The following CCDC7 variants were observed in gnomAD, a reference collection of about 807,000 sequenced individuals.
CCDC7 encodes the protein coiled-coil domain-containing protein 7.
A neutral mutation model predicts 196.9 loss-of-function variants in CCDC7; 183 were observed. That is an observed-to-expected ratio of 0.93 (90% CI 0.82 to 1.05). The LOEUF is 1.05. Ranked by LOEUF, CCDC7 falls within the 50% of genes least tolerant of loss-of-function variation. CCDC7 has a pLI of 0.00. For missense variants in CCDC7, 1,540 were observed against 1,482.2 expected, an observed-to-expected ratio of 1.04 and a Z score of -0.64; for synonymous variants, 525 against 484.6, an observed-to-expected ratio of 1.08 and a Z score of -1.10.
At chr10:32,508,210 G>A (rs931114487) in intron 9 of CCDC7, among the ~76,000 whole-genome samples, 1 of 152,164 alleles carries the variant, frequency 6.6e-6, no homozygotes, top group Non-Finnish European at 1.5e-5. Context: ...ATTCAGTAAA[G>A]TTGCAGGTTA....
intron 24 of CCDC7, among the ~76,000 whole-genome samples, chr10:32,704,037 G>C (rs1050986325): frequency 5.9e-5 from 9 of 152,124 alleles, no homozygotes; most frequent in Non-Finnish European, 2.9e-5. Context: ...TCTCCACCCA[G>C]CTTTGTTCCA....
At chr10:32,470,610 T>C (rs1486746336) in intron 5 of CCDC7, among the ~76,000 whole-genome samples, 1 of 152,068 alleles carries the variant, frequency 6.6e-6, no homozygotes. Context: ...ACTGGAAAAA[T>C]GCTAGTTCCA....
chr10:32,756,922 G>A (rs868387477), intron 28 of CCDC7, among the ~76,000 whole-genome samples: 2 of 152,108 alleles, frequency 1.3e-5, no homozygotes, highest in South Asian at 2.1e-4. Flanking sequence ...CAAGCAAATG[G>A]AAAACAAAGA....
intron 11 of CCDC7, among the ~76,000 whole-genome samples, chr10:32,519,829 C>T (rs2047607185): frequency 6.6e-6 from 1 of 151,974 alleles, no homozygotes; most frequent in African/African-American, 2.4e-5. Context: ...TTCATTCTTT[C>T]CAACTACATT....
chr10:32,580,927 G>T (rs1160956838), intron 16 of CCDC7, among the ~76,000 whole-genome samples: 1 of 151,872 alleles, frequency 6.6e-6, no homozygotes, highest in Non-Finnish European at 1.5e-5. Flanking sequence ...GGGCAGTTTG[G>T]GCAGTTAACA....
At chr10:32,565,767 C>CAT in intron 14 of CCDC7, 147 bp downstream of exon 15, 1 of 652,710 alleles carries the variant, frequency 1.5e-6, no homozygotes, top group Non-Finnish European at 2.4e-6. Flanking sequence ...TCATTTTATG[C>CAT]ATTAGGGGTA....
At chr10:32,630,525 C>A (rs1167922216) in intron 18 of CCDC7, among the ~76,000 whole-genome samples, 1 of 151,772 alleles carries the variant, frequency 6.6e-6, no homozygotes, top group Non-Finnish European at 1.5e-5. Context: ...ATAGATAAAG[C>A]AAATATTAGA....
At chr10:32,691,191 CTGAT>C (rs1233113932) in intron 23 of CCDC7, among the ~76,000 whole-genome samples, 3 of 152,160 alleles carry the variant, frequency 2.0e-5, no homozygotes, top group African/African-American at 7.2e-5. Flanking sequence ...GGAGGGTTCT[CTGAT>C]TGATTTCAAT....
chr10:32,847,260 G>C (rs1414964476), intron 37 of CCDC7, among the ~76,000 whole-genome samples: 2 of 152,104 alleles, frequency 1.3e-5, no homozygotes, highest in African/African-American at 4.8e-5. Flanking sequence ...GAGGAAATCA[G>C]TACCTGGAGA....
chr10:32,742,467 C>T (rs1463701826), intron 28 of CCDC7, among the ~76,000 whole-genome samples: 2 of 152,182 alleles, frequency 1.3e-5, no homozygotes, highest in Non-Finnish European at 2.9e-5. Flanking sequence ...TTTCACTGCC[C>T]TAAACATCTT....
chr10:32,799,931 C>T (rs2084425102), intron 29 of CCDC7, among the ~76,000 whole-genome samples: 1 of 152,202 alleles, frequency 6.6e-6, no homozygotes, highest in Admixed American at 6.5e-5. Context: ...GCTGGCCTTG[C>T]CCACTGAAGG....
At chr10:32,464,811 G>A (rs1056594976) in intron 5 of CCDC7, among the ~76,000 whole-genome samples, 1 of 151,942 alleles carries the variant, frequency 6.6e-6, no homozygotes, top group Non-Finnish European at 1.5e-5. Flanking sequence ...GTGCCCTGCC[G>A]TGCCCTCTCA....
chr10:32,518,359 A>G, intron 10 of CCDC7, 57 bp from the exon 12 acceptor site: 3 of 1,485,228 alleles, frequency 2.0e-6, no homozygotes, highest in Non-Finnish European at 2.7e-6. Context: ...ATATCTGAAT[A>G]ACCTTTCTAC....
intron 13 of CCDC7, among the ~76,000 whole-genome samples, chr10:32,559,835 G>T (rs139499486): frequency 6.6e-6 from 1 of 152,152 alleles, no homozygotes; most frequent in East Asian, 1.9e-4. Flanking sequence ...TGACTTTGAC[G>T]AGTTGAGAGA....
chr10:32,544,098 C>A, intron 12 of CCDC7, 149 bp from the exon 14 acceptor site: 1 of 550,724 alleles, frequency 1.8e-6, no homozygotes, highest in Non-Finnish European at 3.1e-6. Context: ...TGTAATTTAG[C>A]CTGTATGAAT....
intron 24 of CCDC7, among the ~76,000 whole-genome samples, chr10:32,706,859 TG>T (rs1412582022): frequency 6.6e-6 from 1 of 152,184 alleles, no homozygotes; most frequent in Non-Finnish European, 1.5e-5. Context: ...GTCCAGGACC[TG>T]ATGGATTTAC....
chr10:32,522,356 G>A (rs2048003696), intron 11 of CCDC7, among the ~76,000 whole-genome samples: 3 of 151,992 alleles, frequency 2.0e-5, no homozygotes, highest in African/African-American at 7.2e-5. Flanking sequence ...GTTACTTTTT[G>A]TTGGTCAGTT....
At chr10:32,676,383 C>T (rs1307547518) in intron 21 of CCDC7, among the ~76,000 whole-genome samples, 1 of 151,852 alleles carries the variant, frequency 6.6e-6, no homozygotes, top group Admixed American at 6.6e-5. Context: ...TCTAATTAAA[C>T]TGAAGAGCTT....
intron 20 of CCDC7, among the ~76,000 whole-genome samples, chr10:32,635,790 T>C (rs2139633090): frequency 6.6e-6 from 1 of 152,206 alleles, no homozygotes; most frequent in East Asian, 1.9e-4. Flanking sequence ...CTGTATCTCT[T>C]GCATGAAGCT....
Sources: gnomAD v4.1 joint callset for allele counts (sites outside exome capture counted in the v4.1 genomes callset) on GRCh38, gnomAD v4.1.1 for gene constraint, MANE v1.5 for transcripts, NCBI Gene and HGNC (gene_info 2026-07-23, HGNC 2026-07-21) for gene names.